The following DUOX1 variants were observed in gnomAD, a reference collection of about 807,000 sequenced individuals.
DUOX1 encodes the protein dual oxidase 1, also known as NADPH thyroid oxidase 1.
Under a neutral mutation model 181.8 loss-of-function variants are expected in DUOX1, and 134 were observed. The ratio of observed to expected loss-of-function variants is 0.74; its 90% CI spans 0.64 to 0.85. The LOEUF is 0.85. DUOX1 is among the 40% of genes least tolerant of loss of function. The pLI is 0.00. For missense variants in DUOX1, 1,814 were observed against 2,064.4 expected, an observed-to-expected ratio of 0.88 and a Z score of 2.35; for synonymous variants, 798 against 832.5, an observed-to-expected ratio of 0.96 and a Z score of 0.71.
chr15:45,137,822 G>A (rs539039058), intron 9 of DUOX1, 102 bp from the exon 10 acceptor site: 7 of 891,138 alleles, frequency 7.9e-6, no homozygotes, highest in Admixed American at 2.5e-5. Flanking sequence ...TCGGAAAGAC[G>A]ATGGCCTGGG....
chr15:45,131,783 A>G (rs1396498171), intron 1 of DUOX1, 135 bp from the exon 2 acceptor site: 2 of 629,846 alleles, frequency 3.2e-6, no homozygotes, highest in African/African-American at 3.7e-5. Flanking sequence ...ATTTTCGGAA[A>G]GAGTGAGTCT....
Position 45,151,233 on chromosome 15 carries a change from G to A in DUOX1, c.2999G>A (p.Arg1000Gln), listed in dbSNP as rs376430493. The A allele has an allele frequency of 1.9e-5, 30 of 1,614,054 alleles. No homozygotes were observed. Among genetic ancestry groups the A allele is most frequent in the Middle Eastern group, 1.7e-4 (1 of 6,060 alleles). The change falls in exon 23 of 34, where the codon CGG (arginine) becomes CAG (glutamine). Residue 1000 changes from arginine (R) to glutamine (Q), a missense_variant. Arg to Gln is a conservative substitution (Grantham distance 43, BLOSUM62 1). Coordinates refer to ENST00000389037, the MANE Select transcript of DUOX1 (RefSeq NM_175940.3). Reference protein sequence around the residue: ...MDTDPPQEIRRRFGKKVTSFQ... With the variant: ...MDTDPPQEIRQRFGKKVTSFQ... ...ACAGACCCTCCCCAGGAGATTCGGC[G>A]GAGGTTTGGCAAGAAGTATGTCTGC...
intron 23 of DUOX1, 134 bp from the exon 24 acceptor site, chr15:45,151,740 C>G (rs1338273827): frequency 1.1e-6 from 1 of 924,948 alleles, no homozygotes; most frequent in East Asian, 2.4e-5. Context: ...CCTTCTTCCA[C>G]AAGGGTAACT....
rs1567017944 is a variant in DUOX1, at chr15:45,152,591, CCT to C, written c.3424+80_3424+81del. 3.7e-6 allele frequency: 5 copies of C among 1,346,100 alleles called. No homozygotes were observed. The African/African-American group carries it at 7.2e-5, about 19-fold the overall frequency. The allele number at this position is 1,346,100 out of a possible 1,614,324, so 83.4% of individuals were successfully genotyped here. On this transcript the variant is annotated intron_variant, in intron 25 of 33. Transcript: ENST00000389037. ...TGACTTCCCCTCGTATGAGAGCCCC[CCT>C]CTCTGCTGGCACTTACCTTTAATGT...
At chr15:45,152,739 G>T (rs1379170439) in intron 25 of DUOX1, 4 of 599,536 alleles carry the variant, frequency 6.7e-6, no homozygotes, top group Non-Finnish European at 1.2e-5. Flanking sequence ...AGCCTCAGCT[G>T]ACAAGTTACT....
At chr15:45,154,067 C>G in intron 27 of DUOX1, 67 bp downstream of exon 27, 1 of 1,451,994 alleles carries the variant, frequency 6.9e-7, no homozygotes, top group Non-Finnish European at 9.7e-7. Context: ...GGGTTCTCTG[C>G]ACCCCAGAGC....
intron 28 of DUOX1, among the ~76,000 whole-genome samples, chr15:45,158,981 G>C (rs1897032763): frequency 6.6e-6 from 1 of 152,214 alleles, no homozygotes; most frequent in Non-Finnish European, 1.5e-5. Flanking sequence ...GGAAGACTTT[G>C]AGGAGAAGAC....
rs375234264 is a variant in DUOX1, at chr15:45,147,430, C to T, written c.2323-3C>T. 1.7e-5 allele frequency: 27 copies of T among 1,612,898 alleles called. No individual in the cohort carries two copies. In the African/African-American group the frequency reaches 3.3e-4, roughly 20 times the overall value. ...CCCTCCCTCTGCTTCTGCCCAAGTGCAGGTGCTGGACATCAACCAGGCCGA... is the reference window on the plus strand; with the variant it reads ...CCCTCCCTCTGCTTCTGCCCAAGTGTAGGTGCTGGACATCAACCAGGCCGA... On this transcript the variant is annotated splice_region_variant and splice_polypyrimidine_tract_variant and intron_variant, in intron 18 of 33. Transcript: ENST00000389037.
At position 45,145,043 on chromosome 15, in the gene DUOX1, A is replaced by C; in HGVS notation, c.2285A>C (p.His762Pro). 1 of 1,612,136 alleles carries C rather than the reference A, an allele frequency of 6.2e-7. No individual in the cohort carries two copies. Among genetic ancestry groups the C allele is most frequent in the Non-Finnish European group, 8.5e-7 (1 of 1,179,224 alleles). The change falls in exon 18 of 34, where the codon CAC becomes CCC. Residue 762 changes from histidine (H) to proline (P), a missense_variant. Transcript: ENST00000389037. ...RAAVTREQRR[H>P]LLETFFRHLF... ...GCTGTGACACGGGAGCAGCGGAGGC[A>C]CCTCCTGGAGACCTTTTTCAGGCAC...
At position 45,163,776 on chromosome 15, in the gene DUOX1, C is replaced by G; in HGVS notation, c.4405-14C>G. On this transcript the variant is annotated splice_polypyrimidine_tract_variant and intron_variant, in intron 32 of 33. Transcript: ENST00000389037. ...GTGCCTGGCTGAACTTTGTTCCACCCTTCCCTACCATAGTACATCTGTGAG... is the reference window on the plus strand; with the variant it reads ...GTGCCTGGCTGAACTTTGTTCCACCGTTCCCTACCATAGTACATCTGTGAG... The G allele has an allele frequency of 1.2e-6, 2 of 1,613,906 alleles. No individual in the cohort carries two copies. Among genetic ancestry groups the G allele is most frequent in the Non-Finnish European group, 1.7e-6 (2 of 1,179,834 alleles).
intron 13 of DUOX1, 75 bp downstream of exon 13, chr15:45,141,145 C>A: frequency 5.7e-6 from 9 of 1,581,630 alleles, no homozygotes; most frequent in Non-Finnish European, 7.8e-6. Context: ...CCTTAGACAG[C>A]CCCCATGAGC....
intron 28 of DUOX1, among the ~76,000 whole-genome samples, chr15:45,160,280 G>T (rs1415438254): frequency 6.6e-6 from 1 of 152,208 alleles, no homozygotes; most frequent in Non-Finnish European, 1.5e-5. Flanking sequence ...CCTGAAAAAT[G>T]AGATGGAGCT....
chr15:45,142,260 C>T lies in DUOX1; in HGVS notation c.1822+148C>T, dbSNP rs1896519368. On this transcript the variant is annotated intron_variant, in intron 15 of 33. Transcript: ENST00000389037. ...AATGAAACATTAGAGGAGGAAGGGA[C>T]AAGAGAAGTGTTTGACCTGCAGAGA... The T allele has an allele frequency of 5.1e-6, 5 of 986,616 alleles. No individual in the cohort carries two copies. In the South Asian group the frequency reaches 8.2e-5, roughly 16 times the overall value. The allele number at this position is 986,616 out of a possible 1,614,324, so 61.1% of individuals were successfully genotyped here. A position where few individuals can be genotyped will look rare whatever the true frequency, so the allele number is the denominator to read the frequency against.
At chr15:45,164,755 C>T in intron 33 of DUOX1, 24 bp from the exon 34 acceptor site, 1 of 1,614,118 alleles carries the variant, frequency 6.2e-7, no homozygotes, top group Non-Finnish European at 8.5e-7. Flanking sequence ...AAGAGTTAGC[C>T]TCCACTTATT....
chr15:45,138,935 C>A, intron 10 of DUOX1, 131 bp from the exon 11 acceptor site: 1 of 793,042 alleles, frequency 1.3e-6, no homozygotes, highest in Non-Finnish European at 2.0e-6. Flanking sequence ...GAGGAATGTC[C>A]CACCGGTTTG....
At chr15:45,163,377 G>A (rs979125877) in intron 31 of DUOX1, among the ~76,000 whole-genome samples, 155 bp from the exon 32 acceptor site, 1 of 152,188 alleles carries the variant, frequency 6.6e-6, no homozygotes, top group Non-Finnish European at 1.5e-5. Context: ...TGGCCTCAGA[G>A]CCTGGCCCCG....
At chr15:45,139,318 G>C (rs1896429124) in intron 11 of DUOX1, 109 bp from the exon 12 acceptor site, 2 of 1,586,360 alleles carry the variant, frequency 1.3e-6, no homozygotes, top group Admixed American at 3.6e-5. Context: ...TGCTGACCAT[G>C]GCTCCTTCTG....
In DUOX1 at chr15:45,148,302, G is replaced by A; in HGVS notation, c.2673G>A (p.Leu891=). 6.2e-7 allele frequency: 1 copy of A among 1,614,238 alleles called. No individual in the cohort carries two copies. Among genetic ancestry groups the A allele is most frequent in the Non-Finnish European group, 8.5e-7 (1 of 1,180,048 alleles). ...RSFIEISNNC[L]SKAQLAEVVE... is the part of the protein sequence containing the mutation. ...TCATCGAGATCTCCAACAACTGCCT[G>A]TCCAAGGCCCAGCTGGCTGAGGTGG... The change falls in exon 21 of 34, where the codon CTG becomes CTA. Residue 891 remains leucine (L), a synonymous_variant. Transcript: ENST00000389037.
At chr15:45,151,732 T>G in intron 23 of DUOX1, 142 bp from the exon 24 acceptor site, 1 of 870,680 alleles carries the variant, frequency 1.1e-6, no homozygotes, top group Non-Finnish European at 1.8e-6. Context: ...GTCTGAACCC[T>G]TCTTCCACAA....
Sources: allele counts gnomAD v4.1 joint callset (sites outside exome capture counted in the v4.1 genomes callset), GRCh38; gene constraint gnomAD v4.1.1; transcripts MANE v1.5; gene names NCBI Gene and HGNC (gene_info 2026-07-23, HGNC 2026-07-21).